The following RNF168 variants were observed in gnomAD, a reference collection of about 807,000 sequenced individuals.
RNF168 encodes ring finger protein 168.
Under a neutral mutation model 34.9 loss-of-function variants are expected in RNF168, and 34 were observed. The observed-to-expected ratio is 0.97, with a 90% CI of 0.74 to 1.30. RNF168 has a LOEUF of 1.30. Among genes scored for constraint, RNF168 ranks in the 50% most tolerant of loss-of-function variants. The pLI is 0.00. For synonymous variants in RNF168, 264 were observed against 254.7 expected (o/e 1.04, Z -0.35); for missense variants, 725 against 682.5 (o/e 1.06, Z -0.69).
At chr3:196,482,643 ATGGGTATGAAATGCTATATCAC>A (rs1290685675) in intron 4 of RNF168, among the ~76,000 whole-genome samples, 1 of 152,184 alleles carries the variant, frequency 6.6e-6, no homozygotes, top group Non-Finnish European at 1.5e-5. Context: ...AGCCATCCTA[ATGGGTATGAAATGCTATATCAC>A]TGTGGTTTTG....
At position 196,469,570 on chromosome 3, in the gene RNF168, G is replaced by A. The variant is rs1181810374; in HGVS notation, c.*2249C>T. 1 of 152,098 alleles carries A rather than the reference G, an allele frequency of 6.6e-6. No individual in the cohort carries two copies. Among genetic ancestry groups the A allele is most frequent in the East Asian group, 1.9e-4 (1 of 5,200 alleles). 9.4% of individuals were successfully genotyped at this position (152,098 alleles called of 1,614,324 possible). A position where few individuals can be genotyped will look rare whatever the true frequency, so the allele number is the denominator to read the frequency against. On this transcript the variant is annotated 3_prime_UTR_variant, in exon 6 of 6. Transcript: ENST00000318037. ...TAAAAGAATAGATTACTAGATATCA[G>A]CAGAAATGCTGTTAAAGCTATTTTT...
At chr3:196,479,677 G>A (rs1019560577) in intron 4 of RNF168, among the ~76,000 whole-genome samples, 1 of 151,126 alleles carries the variant, frequency 6.6e-6, no homozygotes, top group African/African-American at 2.4e-5. Flanking sequence ...TGCAACCTCC[G>A]CCTCCCAGGT....
chr3:196,492,802 A>AAAT (rs1425910995), intron 1 of RNF168, among the ~76,000 whole-genome samples: 2,099 of 150,968 alleles, frequency 0.014, 62 homozygotes, highest in African/African-American at 0.05. Flanking sequence ...ATAAATAAAT[A>AAAT]AAATAAATAA....
intron 5 of RNF168, 122 bp from the exon 6 acceptor site, chr3:196,472,894 T>C (rs913137278): frequency 2.6e-5 from 16 of 616,504 alleles, no homozygotes; most frequent in Middle Eastern, 8.7e-4. Context: ...TAATAAGGTA[T>C]ATATTTCTTT....
In RNF168 at chr3:196,503,281, GC is replaced by G; in HGVS notation, c.-109del. ...AAGCAGTTTTGTGTTTCAGTATTATGCCCAGAAGCGTATCAGAATTCGGAGA... is the reference window on the plus strand; with the variant it reads ...AAGCAGTTTTGTGTTTCAGTATTATGCCAGAAGCGTATCAGAATTCGGAGA... On this transcript the variant is annotated 5_prime_UTR_variant, in exon 1 of 6. Transcript: ENST00000318037. 1 of 932,840 alleles carries G rather than the reference GC, an allele frequency of 1.1e-6. No homozygotes were observed. The highest frequency in any genetic ancestry group is 1.7e-6 in the Non-Finnish European group (1 of 586,002). 57.8% of individuals were successfully genotyped at this position (932,840 alleles called of 1,614,324 possible).
chr3:196,493,863 T>A (rs1248623942), intron 1 of RNF168, among the ~76,000 whole-genome samples: 1 of 147,984 alleles, frequency 6.8e-6, no homozygotes, highest in African/African-American at 2.6e-5. Flanking sequence ...TTATTTTTTT[T>A]TTTTTTTGAG....
rs1163851500 is a variant in RNF168, at chr3:196,471,525, C to T, written c.*294G>A. ...ATAAAACATGCAGTTTTTGGAAAGACAATGGCACTTGAAGATTTCCTGGAG... is the reference window on the plus strand; with the variant it reads ...ATAAAACATGCAGTTTTTGGAAAGATAATGGCACTTGAAGATTTCCTGGAG... On this transcript the variant is annotated 3_prime_UTR_variant, in exon 6 of 6. Transcript: ENST00000318037. The T allele has an allele frequency of 5.7e-6, 2 of 353,234 alleles. No individual in the cohort carries two copies. Among genetic ancestry groups the T allele is most frequent in the African/African-American group, 4.1e-5 (2 of 48,334 alleles). The allele number at this position is 353,234 out of a possible 1,614,324, so 21.9% of individuals were successfully genotyped here.
Position 196,503,086 on chromosome 3 carries a change from G to A in RNF168, c.88C>T (p.Pro30Ser), listed in dbSNP as rs1231984430. The A allele has an allele frequency of 1.9e-6, 3 of 1,614,028 alleles. No individual in the cohort carries two copies. The highest frequency in any genetic ancestry group is 2.2e-5 in the South Asian group (2 of 91,082). ...MEILVEPVTL[P>S]CNHTLCKPCF... ...GGTTTACACAGCGTGTGGTTACACG[G>A]GAGGGTGACGGGCTCCACGAGGATT... The change falls in exon 1 of 6, where the codon CCG becomes TCG. Residue 30 changes from proline (P) to serine (S), a missense_variant. Coordinates refer to ENST00000318037, the MANE Select transcript of RNF168 (RefSeq NM_152617.4).
intron 4 of RNF168, among the ~76,000 whole-genome samples, chr3:196,477,592 C>A (rs943224608): frequency 6.6e-6 from 1 of 152,170 alleles, no homozygotes; most frequent in African/African-American, 2.4e-5. Context: ...AGAATTCTTT[C>A]TGTCAATGCT....
intron 1 of RNF168, among the ~76,000 whole-genome samples, chr3:196,489,903 C>T (rs1045980302): frequency 2.0e-5 from 3 of 152,134 alleles, no homozygotes; most frequent in African/African-American, 4.8e-5. Flanking sequence ...TGCAGGTGCA[C>T]ACACGCATAT....
At chr3:196,480,932 A>G (rs1202578705) in intron 4 of RNF168, among the ~76,000 whole-genome samples, 1 of 152,196 alleles carries the variant, frequency 6.6e-6, no homozygotes, top group East Asian at 1.9e-4. Context: ...GGCATGAGCC[A>G]CCATGCTTGC....
chr3:196,483,910 C>T lies in RNF168; in HGVS notation c.559-19G>A, dbSNP rs1378981652. ...AATTGTTCTTCAACAATAGAAAAAG[C>T]ATAACAGACATTATGAGAGAGAACT... is the stretch of plus-strand genomic sequence containing the variant. On this transcript the variant is annotated intron_variant, in intron 3 of 5. Coordinates refer to ENST00000318037, the MANE Select transcript of RNF168 (RefSeq NM_152617.4). 2 of 1,577,818 alleles carry T rather than the reference C, an allele frequency of 1.3e-6. No homozygotes were observed. Among genetic ancestry groups the T allele is most frequent in the Non-Finnish European group, 1.7e-6 (2 of 1,147,240 alleles).
In RNF168 at chr3:196,485,920, T is replaced by C. The variant is rs535945138; in HGVS notation, c.558+1479A>G. ...ACACTTCCCTACATGCCTCTGAAGATTGTATTCCCTAGGTCCCATCCCTAG... is the reference window on the plus strand; with the variant it reads ...ACACTTCCCTACATGCCTCTGAAGACTGTATTCCCTAGGTCCCATCCCTAG... On this transcript the variant is annotated intron_variant, in intron 3 of 5. Coordinates refer to ENST00000318037, the MANE Select transcript of RNF168 (RefSeq NM_152617.4). Among the ~76,000 whole-genome samples the C allele has an allele frequency of 1.8e-4, 27 of 152,324 alleles. No individual in the cohort carries two copies. The South Asian group carries it at 2.7e-3, about 15-fold the overall frequency.
chr3:196,475,724 G>C (rs1732131274), intron 4 of RNF168, among the ~76,000 whole-genome samples: 1 of 149,936 alleles, frequency 6.7e-6, no homozygotes, highest in South Asian at 2.1e-4. Flanking sequence ...CTAATATTTT[G>C]TATTTTTAGT....
intron 3 of RNF168, among the ~76,000 whole-genome samples, chr3:196,484,300 T>C (rs555744581): frequency 1.3e-4 from 19 of 150,272 alleles, no homozygotes; most frequent in Admixed American, 1.0e-3. Flanking sequence ...GCCTCCTGAG[T>C]AGCTGGGACT....
intron 1 of RNF168, among the ~76,000 whole-genome samples, chr3:196,497,317 C>G (rs1487313294): frequency 6.6e-6 from 1 of 152,118 alleles, no homozygotes; most frequent in Non-Finnish European, 1.5e-5. Context: ...AAGTTAACCT[C>G]AACCCCCTAA....
chr3:196,494,875 T>TA (rs1282874375), intron 1 of RNF168, among the ~76,000 whole-genome samples: 4 of 151,922 alleles, frequency 2.6e-5, no homozygotes, highest in Non-Finnish European at 5.9e-5. Flanking sequence ...ATAAAAAAAT[T>TA]AGCCTGGCGT....
At chr3:196,482,616 C>T (rs1282695063) in intron 4 of RNF168, among the ~76,000 whole-genome samples, 1 of 152,166 alleles carries the variant, frequency 6.6e-6, no homozygotes, top group Non-Finnish European at 1.5e-5. Flanking sequence ...TTATTATTTT[C>T]CCTTTTTGTG....
Position 196,475,260 on chromosome 3 carries a change from G to A in RNF168, c.733C>T (p.Gln245Ter), listed in dbSNP as rs771138989. Reference sequence around the variant, plus strand: ...GATACGGAGTCTTTCCTGACTTCTTGTACAGCTTCAGAGTGTGAGGCTGAC... The same window carrying A: ...GATACGGAGTCTTTCCTGACTTCTTATACAGCTTCAGAGTGTGAGGCTGAC... ...FGSASHSEAV[Q>*]EVRKDSVSKD... is the part of the protein sequence containing the mutation. The change falls in exon 5 of 6, where the codon CAA becomes TAA. Residue 245 changes from glutamine (Q) to a stop codon, truncating the protein, a stop_gained. Transcript: ENST00000318037. LOFTEE classifies it low-confidence loss of function (END_TRUNC). The A allele has an allele frequency of 1.2e-6, 2 of 1,609,932 alleles. No individual in the cohort carries two copies. The highest frequency in any genetic ancestry group is 1.3e-5 in the African/African-American group (1 of 74,936).
Sources: allele counts gnomAD v4.1 joint callset (sites outside exome capture counted in the v4.1 genomes callset), GRCh38; gene constraint gnomAD v4.1.1; transcripts MANE v1.5; gene names NCBI Gene and HGNC (gene_info 2026-07-23, HGNC 2026-07-21).